GPC5: variants seen among roughly 807,000 people sequenced by gnomAD.
The protein encoded by GPC5 is glypican-5.
A neutral mutation model predicts 53.9 loss-of-function variants in GPC5; 47 were observed. That is an observed-to-expected ratio of 0.87 (90% confidence interval 0.69 to 1.11). The LOEUF (loss-of-function observed/expected upper bound fraction) is 1.11, where lower values mean the gene tolerates loss of function less well. Ranked by LOEUF, GPC5 falls within the 50% of genes most tolerant of loss-of-function variation. The pLI is 0.00. For missense variants in GPC5, 748 were observed against 713.1 expected (o/e 1.05, Z -0.56); for synonymous variants, 286 against 263.3 (o/e 1.09, Z -0.84).
intron 1 of GPC5, among the ~76,000 whole-genome samples, chr13:91,401,507 T>A (rs2138740830): frequency 6.6e-6 from 1 of 152,320 alleles, no homozygotes; most frequent in South Asian, 2.1e-4. Context: ...TAGTAATATC[T>A]TTTAACAAAT....
At chr13:91,568,561 G>GAAAAAA (rs565705289) in intron 2 of GPC5, among the ~76,000 whole-genome samples, 1 of 141,280 alleles carries the variant, frequency 7.1e-6, no homozygotes, top group African/African-American at 2.6e-5. Flanking sequence ...AGCTTTTATT[G>GAAAAAA]AAAAAAAAAA....
chr13:92,045,418 G>A (rs1404177831), intron 6 of GPC5, among the ~76,000 whole-genome samples: 1 of 152,166 alleles, frequency 6.6e-6, no homozygotes, highest in African/African-American at 2.4e-5. Flanking sequence ...AAGCTAAACA[G>A]TGGTAAGGAG....
intron 2 of GPC5, among the ~76,000 whole-genome samples, chr13:91,459,553 AT>A (rs1261948620): frequency 1.7e-5 from 2 of 119,498 alleles, no homozygotes; most frequent in African/African-American, 6.6e-5. Context: ...AGGGTAGTGG[AT>A]TAAAGAAGCC....
At chr13:91,929,383 A>G (rs560151613) in intron 6 of GPC5, among the ~76,000 whole-genome samples, 5 of 152,156 alleles carry the variant, frequency 3.3e-5, no homozygotes, top group South Asian at 2.1e-4. Flanking sequence ...TCTATCAACC[A>G]TATCTTAATT....
chr13:92,781,456 A>C (rs1188061489), intron 7 of GPC5, among the ~76,000 whole-genome samples: 1 of 152,166 alleles, frequency 6.6e-6, no homozygotes, highest in Admixed American at 6.6e-5. Flanking sequence ...TATAATAGGC[A>C]CTTAGAAAAT....
Position 92,838,665 on chromosome 13 carries a change from G to T in GPC5, c.1562-27617G>T, listed in dbSNP as rs145060017. Among the ~76,000 whole-genome samples the T allele has an allele frequency of 4.6e-3, 701 of 152,074 alleles. 4 individuals are homozygous for T. Among genetic ancestry groups the T allele is most frequent in the Middle Eastern group, 0.01 (3 of 294 alleles). ...CCACAGATGATCTTTACAACAAGTT[G>T]TCTGACAAATAACTTTAAAATAACT... On this transcript the variant is annotated intron_variant, in intron 7 of 7. Transcript: ENST00000377067.
chr13:92,206,303 T>C (rs1320159221), intron 7 of GPC5, among the ~76,000 whole-genome samples: 1 of 151,132 alleles, frequency 6.6e-6, no homozygotes, highest in Non-Finnish European at 1.5e-5. Flanking sequence ...TAGCTGCGAC[T>C]ACAGGCGCCT....
At chr13:92,382,712 A>T (rs1310375803) in intron 7 of GPC5, among the ~76,000 whole-genome samples, 2 of 152,116 alleles carry the variant, frequency 1.3e-5, no homozygotes, top group African/African-American at 4.8e-5. Context: ...AATGCACATC[A>T]TAAGAAATCG....
At chr13:92,093,153 T>C (rs2041394261) in intron 6 of GPC5, among the ~76,000 whole-genome samples, 1 of 152,188 alleles carries the variant, frequency 6.6e-6, no homozygotes, top group South Asian at 2.1e-4. Flanking sequence ...AAGTTTTTCT[T>C]AATTTTTCTC....
intron 7 of GPC5, among the ~76,000 whole-genome samples, chr13:92,730,094 C>A (rs1183278724): frequency 2.0e-5 from 3 of 151,264 alleles, no homozygotes; most frequent in Non-Finnish European, 3.0e-5. Flanking sequence ...TATCTGATTT[C>A]TTGGTACTTC....
intron 7 of GPC5, among the ~76,000 whole-genome samples, chr13:92,487,831 T>C (rs1434902152): frequency 8.5e-6 from 1 of 117,288 alleles, no homozygotes; most frequent in Non-Finnish European, 1.7e-5. Flanking sequence ...GGACTATATA[T>C]AAATATAGTA....
chr13:91,757,090 C>T (rs539607568), intron 5 of GPC5, among the ~76,000 whole-genome samples: 1 of 151,606 alleles, frequency 6.6e-6, no homozygotes, highest in East Asian at 1.9e-4. Context: ...CCTTTATTTC[C>T]TATAACTGAT....
At chr13:91,967,720 A>G (rs1365338969) in intron 6 of GPC5, among the ~76,000 whole-genome samples, 1 of 152,050 alleles carries the variant, frequency 6.6e-6, no homozygotes, top group Non-Finnish European at 1.5e-5. Flanking sequence ...TTAATTTTGT[A>G]AACATTTTCA....
intron 7 of GPC5, among the ~76,000 whole-genome samples, chr13:92,286,292 T>G (rs1244053589): frequency 1.3e-5 from 2 of 152,194 alleles, no homozygotes; most frequent in Non-Finnish European, 2.9e-5. Flanking sequence ...TTGGTGGGAT[T>G]GTAAACTAGT....
intron 2 of GPC5, among the ~76,000 whole-genome samples, chr13:91,639,412 T>G (rs1283416365): frequency 6.6e-6 from 1 of 152,220 alleles, no homozygotes; most frequent in East Asian, 1.9e-4. Context: ...TTAGTTCACT[T>G]TGTTATTTCT....
At chr13:92,236,044 T>C (rs1333805807) in intron 7 of GPC5, among the ~76,000 whole-genome samples, 1 of 152,118 alleles carries the variant, frequency 6.6e-6, no homozygotes, top group Non-Finnish European at 1.5e-5. Context: ...AGAAGTCTGA[T>C]CCTTGTATGA....
chr13:92,544,285 C>T (rs1882027220), intron 7 of GPC5, among the ~76,000 whole-genome samples: 1 of 152,038 alleles, frequency 6.6e-6, no homozygotes, highest in Admixed American at 6.6e-5. Flanking sequence ...TTTCTGAAGC[C>T]TCATCCCAGA....
At chr13:91,752,167 A>G (rs1316826912) in intron 4 of GPC5, among the ~76,000 whole-genome samples, 4 of 152,158 alleles carry the variant, frequency 2.6e-5, no homozygotes, top group Non-Finnish European at 5.9e-5. Context: ...TTGGATTAGC[A>G]TCTACCCATA....
At chr13:92,680,365 A>G (rs1484451110) in intron 7 of GPC5, among the ~76,000 whole-genome samples, 2 of 152,062 alleles carry the variant, frequency 1.3e-5, no homozygotes, top group Non-Finnish European at 2.9e-5. Flanking sequence ...TTTTCAACAA[A>G]AGTTTTCAAC....
Sources: gnomAD v4.1 joint callset for allele counts (sites outside exome capture counted in the v4.1 genomes callset) on GRCh38, gnomAD v4.1.1 for gene constraint, MANE v1.5 for transcripts, NCBI Gene and HGNC (gene_info 2026-07-23, HGNC 2026-07-21) for gene names.